MCC: variants seen among roughly 807,000 people sequenced by gnomAD.
The protein encoded by MCC is MCC regulator of Wnt signaling pathway.
MCC carries 90 observed loss-of-function variants against 116.2 expected under a neutral mutation model. That is an observed-to-expected ratio of 0.77 (90% CI 0.65 to 0.92). The LOEUF (loss-of-function observed/expected upper bound fraction) is 0.92. MCC is among the 40% of genes least tolerant of loss of function. MCC has a pLI of 0.00. For synonymous variants in MCC, 578 were observed against 510.5 expected, an observed-to-expected ratio of 1.13 and a Z score of -1.78; for missense variants, 1,516 against 1,312.2, an observed-to-expected ratio of 1.16 and a Z score of -2.40.
chr5:113,276,839 G>A (rs1187680856), intron 3 of MCC, among the ~76,000 whole-genome samples: 1 of 147,992 alleles, frequency 6.8e-6, no homozygotes, highest in Non-Finnish European at 1.5e-5. Flanking sequence ...TGGTCTCACG[G>A]TGTTACCGAG....
intron 3 of MCC, among the ~76,000 whole-genome samples, chr5:113,161,817 C>A (rs1216487989): frequency 6.6e-6 from 1 of 152,208 alleles, no homozygotes; most frequent in African/African-American, 2.4e-5. Context: ...TCAATACAAT[C>A]ATTTTTAAAT....
chr5:113,336,415 T>C (rs1339841912), intron 3 of MCC, among the ~76,000 whole-genome samples: 2 of 151,694 alleles, frequency 1.3e-5, no homozygotes, highest in Admixed American at 1.3e-4. Context: ...CAAGTGTGTG[T>C]GCAGGAGACA....
chr5:113,217,718 C>T (rs1252871598), intron 3 of MCC, among the ~76,000 whole-genome samples: 1 of 152,182 alleles, frequency 6.6e-6, no homozygotes, highest in Non-Finnish European at 1.5e-5. Context: ...GGTTGCATGA[C>T]ATGACTATGA....
At chr5:113,301,704 G>C (rs1319416135) in intron 3 of MCC, among the ~76,000 whole-genome samples, 1 of 152,090 alleles carries the variant, frequency 6.6e-6, no homozygotes, top group Non-Finnish European at 1.5e-5. Flanking sequence ...GGGAAGGGTG[G>C]ACAGGCAGAG....
chr5:113,216,328 A>G (rs182077349), intron 3 of MCC, among the ~76,000 whole-genome samples: 1 of 152,214 alleles, frequency 6.6e-6, no homozygotes, highest in African/African-American at 2.4e-5. Flanking sequence ...CTGCCCAATG[A>G]AGGTATAAGA....
At chr5:113,466,947 C>T (rs1460385043) in intron 1 of MCC, among the ~76,000 whole-genome samples, 4 of 152,090 alleles carry the variant, frequency 2.6e-5, no homozygotes, top group South Asian at 2.1e-4. Flanking sequence ...ATGATGAGCA[C>T]TTTTTCATGT....
chr5:113,022,271 C>CAA lies in MCC; in HGVS notation c.*5029_*5030dup, dbSNP rs1750192333. 1 of 152,564 alleles carries CAA rather than the reference C, an allele frequency of 6.6e-6. No individual in the cohort carries two copies. Among genetic ancestry groups the CAA allele is most frequent in the Non-Finnish European group, 1.5e-5 (1 of 68,006 alleles). 9.5% of individuals were successfully genotyped at this position (152,564 alleles called of 1,614,324 possible). On this transcript the variant is annotated 3_prime_UTR_variant, in exon 19 of 19. Transcript: ENST00000408903. ...GGCATCTGGAAACATTTAAAGAATA[C>CAA]AAGTGGAGAATCTAAAAAATTACAA...
chr5:113,028,487 C>T (rs1338627967), intron 18 of MCC, among the ~76,000 whole-genome samples: 5 of 152,126 alleles, frequency 3.3e-5, no homozygotes, highest in Admixed American at 3.3e-4. Flanking sequence ...CAAAAGCTCT[C>T]TGAGGTCCTC....
At position 113,260,540 on chromosome 5, in the gene MCC, G is replaced by A. The variant is rs114223975; in HGVS notation, c.627+79979C>T. On this transcript the variant is annotated intron_variant, in intron 3 of 18. Transcript: ENST00000408903. ...TTGAGATAGCTGTGGGTATTCTTTCGTACTTTCCCCAAATTGAACAAATGG... is the reference window on the plus strand; with the variant it reads ...TTGAGATAGCTGTGGGTATTCTTTCATACTTTCCCCAAATTGAACAAATGG... 4.8e-3 allele frequency among the ~76,000 whole-genome samples: 726 copies of A among 152,174 alleles called. 6 individuals carry two copies. Among genetic ancestry groups the A allele is most frequent in the African/African-American group, 0.017 (700 of 41,536 alleles).
intron 5 of MCC, among the ~76,000 whole-genome samples, chr5:113,123,843 A>C (rs988483764): frequency 1.3e-5 from 2 of 152,216 alleles, no homozygotes; most frequent in Admixed American, 6.5e-5. Flanking sequence ...TTGTCTGTGA[A>C]GAAAGCTAGG....
intron 16 of MCC, among the ~76,000 whole-genome samples, chr5:113,046,850 G>A (rs993683176): frequency 3.9e-5 from 6 of 152,056 alleles, no homozygotes; most frequent in African/African-American, 1.4e-4. Context: ...TGGGCAGATG[G>A]CTTCATAGTG....
chr5:113,067,589 T>C (rs1202463897), intron 13 of MCC, among the ~76,000 whole-genome samples: 2 of 152,098 alleles, frequency 1.3e-5, no homozygotes, highest in Admixed American at 6.6e-5. Context: ...TGAGCCAAGA[T>C]TGCACCATTG....
intron 17 of MCC, among the ~76,000 whole-genome samples, chr5:113,032,467 T>G (rs971586594): frequency 1.8e-4 from 27 of 151,648 alleles, no homozygotes; most frequent in Admixed American, 1.2e-3. Flanking sequence ...TTGGACATAC[T>G]GGGTTACATT....
intron 3 of MCC, among the ~76,000 whole-genome samples, chr5:113,203,891 T>TA (rs1158613851): frequency 6.6e-6 from 1 of 152,164 alleles, no homozygotes; most frequent in Non-Finnish European, 1.5e-5. Context: ...AAGAAGGCTT[T>TA]AAAAAAAGTC....
At chr5:113,368,665 G>C (rs1177855974) in intron 2 of MCC, among the ~76,000 whole-genome samples, 1 of 151,978 alleles carries the variant, frequency 6.6e-6, no homozygotes, top group African/African-American at 2.4e-5. Context: ...AAGCAACATG[G>C]AAGATTTCTG....
At chr5:113,344,678 C>G (rs1240308250) in intron 2 of MCC, among the ~76,000 whole-genome samples, 1 of 151,920 alleles carries the variant, frequency 6.6e-6, no homozygotes, top group African/African-American at 2.4e-5. Context: ...TGTAGACATA[C>G]CCTGGGCCAG....
intron 3 of MCC, among the ~76,000 whole-genome samples, chr5:113,303,241 T>A (rs552178821): frequency 6.6e-6 from 1 of 152,276 alleles, no homozygotes; most frequent in African/African-American, 2.4e-5. Context: ...GGCATATAGA[T>A]TATAGTTGAT....
At chr5:113,132,439 T>TAC (rs1306137612) in intron 5 of MCC, among the ~76,000 whole-genome samples, 732 of 63,912 alleles carry the variant, frequency 0.011, 20 homozygotes, top group African/African-American at 0.042. Context: ...TATATATATA[T>TAC]ATATACACAC....
chr5:113,353,226 C>T (rs1353100), intron 2 of MCC, among the ~76,000 whole-genome samples: 40,800 of 151,954 alleles, frequency 0.27, 7,436 homozygotes, highest in African/African-American at 0.52. Context: ...ACTGAGTTCT[C>T]GAACAAATGA....
Sources: allele counts gnomAD v4.1 joint callset (sites outside exome capture counted in the v4.1 genomes callset), GRCh38; gene constraint gnomAD v4.1.1; transcripts MANE v1.5; gene names NCBI Gene and HGNC (gene_info 2026-07-23, HGNC 2026-07-21).